ZNF407: variants seen among roughly 807,000 people sequenced by gnomAD.
ZNF407 encodes zinc finger protein 407.
A neutral mutation model predicts 131.2 loss-of-function variants in ZNF407; 17 were observed. That is an observed-to-expected ratio of 0.13 (90% CI 0.09 to 0.19). ZNF407 has a LOEUF of 0.19. Ranked by LOEUF, ZNF407 falls within the 10% of genes least tolerant of loss-of-function variation. The probability of loss-of-function intolerance (pLI) is 1.00; values close to 1 mark genes in which losing one functional copy is unlikely to be tolerated. For synonymous variants in ZNF407, 1,156 were observed against 1,062.0 expected (o/e 1.09, Z -1.72); for missense variants, 2,681 against 2,830.6 (o/e 0.95, Z 1.20).
At chr18:75,039,227 C>T (rs955414842) in intron 8 of ZNF407, among the ~76,000 whole-genome samples, 1 of 152,212 alleles carries the variant, frequency 6.6e-6, no homozygotes, top group Non-Finnish European at 1.5e-5. Context: ...CTACCGCTTC[C>T]ACTTCTTCTA....
intron 3 of ZNF407, among the ~76,000 whole-genome samples, chr18:74,763,872 G>T (rs1023039067): frequency 1.7e-4 from 26 of 151,014 alleles, no homozygotes; most frequent in Non-Finnish European, 2.7e-4. Flanking sequence ...ACCACGCCCG[G>T]CTAATTTTTT....
chr18:74,855,648 A>G (rs1033585457), intron 4 of ZNF407, among the ~76,000 whole-genome samples: 1 of 152,248 alleles, frequency 6.6e-6, no homozygotes, highest in African/African-American at 2.4e-5. Flanking sequence ...TTGGGGTTGT[A>G]CATTTCCACC....
chr18:75,042,418 C>T (rs2122242684), intron 8 of ZNF407, among the ~76,000 whole-genome samples: 1 of 151,682 alleles, frequency 6.6e-6, no homozygotes, highest in African/African-American at 2.4e-5. Flanking sequence ...GGTCTGAATA[C>T]CTAAAGATGA....
At chr18:74,681,940 A>G (rs1405175126) in intron 3 of ZNF407, among the ~76,000 whole-genome samples, 1 of 152,226 alleles carries the variant, frequency 6.6e-6, no homozygotes, top group African/African-American at 2.4e-5. Flanking sequence ...GTCCAAGGAT[A>G]TAGAATGGCC....
At chr18:74,776,417 ATG>A (rs1969472824) in intron 3 of ZNF407, among the ~76,000 whole-genome samples, 1 of 152,224 alleles carries the variant, frequency 6.6e-6, no homozygotes, top group Non-Finnish European at 1.5e-5. Context: ...GTTCTAGTAG[ATG>A]TTTTCTATGA....
Position 74,821,849 on chromosome 18 carries a change from G to C in ZNF407, c.4877+40347G>C, listed in dbSNP as rs576625926. Among the ~76,000 whole-genome samples the C allele has an allele frequency of 4.6e-5, 7 of 152,310 alleles. No individual in the cohort carries two copies. In the South Asian group the frequency reaches 1.5e-3, roughly 32 times the overall value. On this transcript the variant is annotated intron_variant, in intron 4 of 8. Coordinates refer to ENST00000299687, the MANE Select transcript of ZNF407 (RefSeq NM_017757.3). Reference sequence around the variant, plus strand: ...TAGATCCTTGAGGAAATGCCACACTGTCTTCCACAATGGTTGAGCAGATTT... The same window carrying C: ...TAGATCCTTGAGGAAATGCCACACTCTCTTCCACAATGGTTGAGCAGATTT...
chr18:74,655,053 T>A (rs1175074865), intron 3 of ZNF407, among the ~76,000 whole-genome samples: 1 of 152,036 alleles, frequency 6.6e-6, no homozygotes, highest in Non-Finnish European at 1.5e-5. Flanking sequence ...TGCCATTATT[T>A]ATTTTAGTTT....
At chr18:75,019,182 T>C (rs894577) in intron 8 of ZNF407, among the ~76,000 whole-genome samples, 21,990 of 152,154 alleles carry the variant, frequency 0.14, 1,813 homozygotes, top group Admixed American at 0.27. Context: ...TGTTTATGTA[T>C]TTTCTTTATC....
chr18:74,718,505 CAG>C (rs761913258), intron 3 of ZNF407, among the ~76,000 whole-genome samples: 1 of 152,002 alleles, frequency 6.6e-6, no homozygotes, highest in African/African-American at 2.4e-5. Flanking sequence ...GCCTGGGTGA[CAG>C]AGTGACACCT....
At chr18:74,719,293 A>C (rs1967969540) in intron 3 of ZNF407, among the ~76,000 whole-genome samples, 1 of 152,090 alleles carries the variant, frequency 6.6e-6, no homozygotes, top group Non-Finnish European at 1.5e-5. Flanking sequence ...TCTGGCTGTA[A>C]TTTTGTATCC....
intron 4 of ZNF407, among the ~76,000 whole-genome samples, chr18:74,871,828 T>A (rs1190956381): frequency 6.6e-6 from 1 of 152,068 alleles, no homozygotes; most frequent in Non-Finnish European, 1.5e-5. Flanking sequence ...TTGGAAGATA[T>A]TAACATATAG....
rs1049508738 is a variant in ZNF407 at position 74,703,440 on chromosome 18, C to A, written c.4802+62318C>A. ...GGAGTGCAATGGTGCAATCTCGGCT[C>A]ACCGCAACCTCCACCTTCTGGGTTC... On this transcript the variant is annotated intron_variant, in intron 3 of 8. Coordinates refer to ENST00000299687, the MANE Select transcript of ZNF407 (RefSeq NM_017757.3). This position sits in a 1 kb window ranked among gnomAD's most constrained non-coding sequence, Gnocchi z 4.1. 6.6e-6 allele frequency among the ~76,000 whole-genome samples: 1 copy of A among 152,192 alleles called. No individual in the cohort carries two copies. The highest frequency in any genetic ancestry group is 6.5e-5 in the Admixed American group (1 of 15,284).
At chr18:74,891,407 A>T (rs2145197450) in intron 7 of ZNF407, among the ~76,000 whole-genome samples, 1 of 152,330 alleles carries the variant, frequency 6.6e-6, no homozygotes, top group South Asian at 2.1e-4. Flanking sequence ...AAACCTTTAA[A>T]AAGTTAGGTT....
intron 8 of ZNF407, among the ~76,000 whole-genome samples, chr18:75,047,536 AT>A (rs60804142): frequency 0.032 from 4,778 of 151,488 alleles, 112 homozygotes; most frequent in African/African-American, 0.061. Context: ...TTCCAAGAGG[AT>A]TTTTTTTTCC....
chr18:74,784,805 C>T (rs541788108), intron 4 of ZNF407, among the ~76,000 whole-genome samples: 4 of 152,282 alleles, frequency 2.6e-5, no homozygotes, highest in South Asian at 2.1e-4. Flanking sequence ...ATCTAGAAAA[C>T]GAGCTTATCT....
In ZNF407 at chr18:74,679,432, T is replaced by C. The variant is rs187450046; in HGVS notation, c.4802+38310T>C. The stretch of plus-strand genomic sequence containing the variant: ...TGCTTCTGTACGGGGTGAAGTCTGA[T>C]TCTCATTTGTGTCTTCAATCACTAG... On this transcript the variant is annotated intron_variant, in intron 3 of 8. Coordinates refer to ENST00000299687, the MANE Select transcript of ZNF407 (RefSeq NM_017757.3). Among the ~76,000 whole-genome samples, 8 of 152,338 alleles carry C rather than the reference T, an allele frequency of 5.3e-5. No individual in the cohort carries two copies. In the East Asian group the frequency reaches 1.5e-3, roughly 29 times the overall value.
intron 4 of ZNF407, among the ~76,000 whole-genome samples, chr18:74,825,365 T>G (rs1408764188): frequency 6.6e-6 from 1 of 152,052 alleles, no homozygotes; most frequent in African/African-American, 2.4e-5. Context: ...GGGAAAGAAA[T>G]AAAGTGTATT....
chr18:74,645,368 C>T (rs764395656), intron 3 of ZNF407, among the ~76,000 whole-genome samples: 2 of 151,960 alleles, frequency 1.3e-5, no homozygotes, highest in African/African-American at 2.4e-5. Flanking sequence ...TATTGAGAAG[C>T]GCAGACCCTG....
intron 6 of ZNF407, among the ~76,000 whole-genome samples, chr18:74,889,313 TG>T (rs1402881300): frequency 5.9e-5 from 9 of 152,216 alleles, no homozygotes; most frequent in Admixed American, 4.6e-4. Flanking sequence ...TATGTCTGTC[TG>T]TCTATGTATC....
Sources: allele counts gnomAD v4.1 joint callset (sites outside exome capture counted in the v4.1 genomes callset), GRCh38; gene constraint gnomAD v4.1.1; non-coding constraint Gnocchi (gnomAD v3.1); transcripts MANE v1.5; gene names NCBI Gene and HGNC (gene_info 2026-07-23, HGNC 2026-07-21).